Variants in SPPL3 observed in about 807,000 individuals in gnomAD.
SPPL3 encodes the protein signal peptide peptidase like 3, also known as signal peptide peptidase-like 3.
In SPPL3, 5 loss-of-function variants were observed where a neutral mutation model predicts 42.4. The ratio of observed to expected loss-of-function variants is 0.12; its 90% CI spans 0.06 to 0.25. The LOEUF is 0.25. SPPL3 is among the 10% of genes least tolerant of loss of function. The probability of loss-of-function intolerance (pLI) is 1.00; values close to 1 mark genes in which losing one functional copy is unlikely to be tolerated. For synonymous variants in SPPL3, 195 were observed against 181.8 expected (o/e 1.07, Z -0.58); for missense variants, 235 against 489.0 (o/e 0.48, Z 4.90).
intron 1 of SPPL3, among the ~76,000 whole-genome samples, chr12:120,875,709 G>T (rs1166003660): frequency 6.8e-6 from 1 of 146,726 alleles, no homozygotes; most frequent in Non-Finnish European, 1.5e-5. Flanking sequence ...GGAGAAAAAA[G>T]ATGAAAAATA....
At chr12:120,875,624 C>CAA (rs60385982) in intron 1 of SPPL3, among the ~76,000 whole-genome samples, 60 of 103,604 alleles carry the variant, frequency 5.8e-4, no homozygotes, top group South Asian at 3.3e-3. Flanking sequence ...GACTCCATTT[C>CAA]AAAAAAAAAA....
intron 1 of SPPL3, among the ~76,000 whole-genome samples, chr12:120,900,419 G>A (rs1023188670): frequency 4.6e-5 from 7 of 151,390 alleles, no homozygotes; most frequent in East Asian, 3.9e-4. Context: ...GACCAGCACC[G>A]GCAACATGGC....
intron 4 of SPPL3, 129 bp downstream of exon 4, chr12:120,784,345 A>C (rs1869641499): frequency 1.1e-6 from 1 of 950,704 alleles, no homozygotes; most frequent in South Asian, 1.8e-5. Flanking sequence ...GAGACGGAGA[A>C]GGCGAAGCCA....
At chr12:120,902,151 C>T (rs558583162) in intron 1 of SPPL3, among the ~76,000 whole-genome samples, 1 of 152,324 alleles carries the variant, frequency 6.6e-6, no homozygotes, top group East Asian at 1.9e-4. Flanking sequence ...GCAGCTGTCA[C>T]GCAAAACTAT....
intron 6 of SPPL3, among the ~76,000 whole-genome samples, chr12:120,773,752 C>T (rs922658148): frequency 8.5e-5 from 13 of 152,166 alleles, no homozygotes; most frequent in African/African-American, 2.7e-4. Context: ...TACCAGCGCC[C>T]GCCACCATGC....
intron 1 of SPPL3, among the ~76,000 whole-genome samples, chr12:120,900,924 A>C (rs986001994): frequency 1.7e-4 from 6 of 34,894 alleles, no homozygotes; most frequent in Non-Finnish European, 2.7e-4. Flanking sequence ...CCTGTCTCAC[A>C]AAAAAAAAAA....
In SPPL3 at chr12:120,781,467, A is replaced by C. The variant is rs552272857; in HGVS notation, c.502+1188T>G. Among the ~76,000 whole-genome samples, 30 of 132,704 alleles carry C rather than the reference A, an allele frequency of 2.3e-4. No individual in the cohort carries two copies. In the East Asian group the frequency reaches 0.011, roughly 50 times the overall value. The allele number at this position is 132,704 out of a possible 152,430, so 87.1% of individuals were successfully genotyped here. On this transcript the variant is annotated intron_variant, in intron 6 of 10. Transcript: ENST00000353487. ...ACGTACATAATGCAGGTTATATATA[A>C]CATGTTATATTACATATACTACATA...
chr12:120,804,885 T>A (rs1870437699), intron 2 of SPPL3, among the ~76,000 whole-genome samples: 1 of 152,124 alleles, frequency 6.6e-6, no homozygotes, highest in South Asian at 2.1e-4. Flanking sequence ...CAAAAAGTAT[T>A]ATTCAGTAAT....
intron 1 of SPPL3, among the ~76,000 whole-genome samples, chr12:120,819,959 C>A (rs968877118): frequency 2.0e-5 from 3 of 151,914 alleles, no homozygotes; most frequent in African/African-American, 7.3e-5. Context: ...AAAAAAGGTG[C>A]GAAAATGAAA....
chr12:120,772,408 T>C (rs1333897043), intron 6 of SPPL3, among the ~76,000 whole-genome samples: 18 of 152,200 alleles, frequency 1.2e-4, no homozygotes. Flanking sequence ...AATATTTACA[T>C]ACTGGTAAGT....
Position 120,764,640 on chromosome 12 carries a change from A to G in SPPL3, c.*359T>C. On this transcript the variant is annotated 3_prime_UTR_variant, in exon 11 of 11. Transcript: ENST00000353487. The stretch of plus-strand genomic sequence containing the variant: ...AATTTTTTTCATCCTTTTAGTGTTC[A>G]AAAGTTCTAGAAAGACTCCTCGCTG... 5.2e-6 allele frequency: 2 copies of G among 385,558 alleles called. No individual in the cohort carries two copies. The highest frequency in any genetic ancestry group is 9.2e-6 in the Non-Finnish European group (2 of 218,186). The allele number at this position is 385,558 out of a possible 1,614,324, so 23.9% of individuals were successfully genotyped here. A position where few individuals can be genotyped will look rare whatever the true frequency, so the allele number is the denominator to read the frequency against.
intron 2 of SPPL3, among the ~76,000 whole-genome samples, chr12:120,803,608 A>G (rs1377376096): frequency 6.6e-6 from 1 of 152,170 alleles, no homozygotes; most frequent in Non-Finnish European, 1.5e-5. Flanking sequence ...TCTACTATTG[A>G]AAGTGAGTAC....
At chr12:120,789,306 T>C (rs959657281) in intron 3 of SPPL3, among the ~76,000 whole-genome samples, 1 of 151,018 alleles carries the variant, frequency 6.6e-6, no homozygotes, top group East Asian at 2.0e-4. Context: ...ATACAAAAAT[T>C]AGCCAGGTGT....
At chr12:120,882,879 C>T (rs1343523479) in intron 1 of SPPL3, among the ~76,000 whole-genome samples, 3 of 151,910 alleles carry the variant, frequency 2.0e-5, no homozygotes, top group Non-Finnish European at 4.4e-5. Flanking sequence ...GGCAACAGAG[C>T]TAGACCCTGG....
At chr12:120,858,388 G>A (rs779905209) in intron 1 of SPPL3, among the ~76,000 whole-genome samples, 14 of 151,734 alleles carry the variant, frequency 9.2e-5, no homozygotes, top group Admixed American at 2.6e-4. Flanking sequence ...CCCGGGAAGC[G>A]GAGGTTGCAG....
intron 6 of SPPL3, among the ~76,000 whole-genome samples, chr12:120,781,733 C>T (rs1013576259): frequency 6.6e-6 from 1 of 151,126 alleles, no homozygotes; most frequent in Non-Finnish European, 1.5e-5. Context: ...GTGCCTACCA[C>T]CACTCCCAGC....
chr12:120,789,063 T>G (rs949500553), intron 3 of SPPL3, among the ~76,000 whole-genome samples: 2 of 152,276 alleles, frequency 1.3e-5, no homozygotes, highest in African/African-American at 4.8e-5. Context: ...CAGTCTATGC[T>G]AATCTGTCCT....
chr12:120,811,322 C>T (rs756655582), intron 1 of SPPL3: 10 of 153,230 alleles, frequency 6.5e-5, no homozygotes, highest in African/African-American at 1.2e-4. Context: ...CTGAATTCCC[C>T]GTTTCCATTT....
At chr12:120,787,343 G>A (rs1029723697) in intron 3 of SPPL3, among the ~76,000 whole-genome samples, 1 of 152,090 alleles carries the variant, frequency 6.6e-6, no homozygotes, top group African/African-American at 2.4e-5. Flanking sequence ...TCAGATAATT[G>A]GGCAGGGGTG....
Sources: allele counts gnomAD v4.1 joint callset (sites outside exome capture counted in the v4.1 genomes callset), GRCh38; gene constraint gnomAD v4.1.1; transcripts MANE v1.5; gene names NCBI Gene and HGNC (gene_info 2026-07-23, HGNC 2026-07-21).